Variants in RHD observed in about 807,000 individuals in gnomAD.
RHD encodes Rh blood group D antigen, also known as blood group Rh(D) polypeptide.
Under a neutral mutation model 45.5 loss-of-function variants are expected in RHD, and 16 were observed. The ratio of observed to expected loss-of-function variants is 0.35; its 90% CI spans 0.24 to 0.53. The LOEUF (loss-of-function observed/expected upper bound fraction) is 0.53, where lower values mean the gene tolerates loss of function less well. Among genes scored for constraint, RHD ranks in the 20% least tolerant of loss-of-function variants. The pLI is 0.92. For synonymous variants in RHD, 131 were observed against 217.5 expected, an observed-to-expected ratio of 0.60 and a Z score of 3.50; for missense variants, 306 against 532.0, an observed-to-expected ratio of 0.58 and a Z score of 4.18.
chr1:25,293,186 G>T (rs562745446), intron 3 of RHD, among the ~76,000 whole-genome samples: 1 of 130,666 alleles, frequency 7.7e-6, no homozygotes, highest in African/African-American at 2.6e-5. Flanking sequence ...GCTATAAAGG[G>T]GAACAGAGAA....
At chr1:25,304,510 A>T (rs1643642151) in intron 6 of RHD, 1 of 129,680 alleles carries the variant, frequency 7.7e-6, no homozygotes, top group African/African-American at 2.7e-5. Flanking sequence ...AGACACGAGA[A>T]TCACTTGAAC....
intron 6 of RHD, chr1:25,304,956 C>G (rs1643681546): frequency 7.6e-6 from 1 of 132,318 alleles, no homozygotes; most frequent in African/African-American, 2.6e-5. Context: ...TTCGCTCATT[C>G]ATTCATATAT....
rs570564436 is a variant in RHD at position 25,277,614 on chromosome 1, G to A, written c.148+4919G>A. On this transcript the variant is annotated intron_variant, in intron 1 of 9. Coordinates refer to ENST00000328664, the MANE Select transcript of RHD (RefSeq NM_016124.6). ...CTTCTGTCAGAGGATGATAGTACTT[G>A]TTTCATTAAGTTGTTGAAAGGATAA... Among the ~76,000 whole-genome samples the A allele has an allele frequency of 3.1e-5, 4 of 129,538 alleles. 1 individual carries two copies. The highest frequency in any genetic ancestry group is 3.0e-4 in the Admixed American group (4 of 13,310). 85.0% of individuals were successfully genotyped at this position (129,538 alleles called of 152,430 possible).
rs1443304272 is a variant in RHD at position 25,290,776 on chromosome 1, C to A, written c.471C>A (p.Ile157=). Residue 157 remains isoleucine, a synonymous_variant, in exon 3 of 10, where the codon ATC becomes ATA. Coordinates refer to ENST00000328664, the MANE Select transcript of RHD (RefSeq NM_016124.6). ...VTALGNLRMV[I]SNIFNTDYHM... ...CTTTAGGCAACCTGAGGATGGTCAT[C>A]AGTAATATCTTCAACGTGAGTCATG... The A allele has an allele frequency of 7.3e-7, 1 of 1,376,734 alleles. No homozygotes were observed. The highest frequency in any genetic ancestry group is 2.2e-5 in the East Asian group (1 of 44,612). The allele number at this position is 1,376,734 out of a possible 1,614,324, so 85.3% of individuals were successfully genotyped here.
intron 6 of RHD, among the ~76,000 whole-genome samples, chr1:25,304,972 CA>C (rs1441109946): frequency 7.6e-6 from 1 of 132,344 alleles, no homozygotes; most frequent in African/African-American, 2.6e-5. Flanking sequence ...TATATTCATT[CA>C]TTCATCATTC....
chr1:25,322,075 T>G (rs1644740654), intron 9 of RHD, 113 bp downstream of exon 9: 1 of 573,894 alleles, frequency 1.7e-6, no homozygotes, highest in Non-Finnish European at 3.5e-6. Context: ...AAAAATGGAG[T>G]AAGGAGCATT....
In RHD at chr1:25,313,491, C is replaced by T. The variant is rs1370212471; in HGVS notation, c.1074-3509C>T. Among the ~76,000 whole-genome samples, 40 of 132,464 alleles carry T rather than the reference C, an allele frequency of 3.0e-4. 9 individuals carry two copies. The highest frequency in any genetic ancestry group is 5.5e-4 in the Non-Finnish European group (31 of 55,864). The allele number at this position is 132,464 out of a possible 152,430, so 86.9% of individuals were successfully genotyped here. ...CCAGGTTGTTAAGCATTGCTGTACC[C>T]TTTTTCCACTGGGATATAGTGTTCT... On this transcript the variant is annotated intron_variant, in intron 7 of 9. Coordinates refer to ENST00000328664, the MANE Select transcript of RHD (RefSeq NM_016124.6).
intron 1 of RHD, among the ~76,000 whole-genome samples, chr1:25,280,356 A>G (rs1472585645): frequency 8.3e-6 from 1 of 120,148 alleles, no homozygotes; most frequent in African/African-American, 2.9e-5. Context: ...TCCAGGCTGG[A>G]GTACAGTGGT....
In RHD at chr1:25,329,237, G is replaced by GTTTTTTTT. The variant is rs71014352; in HGVS notation, c.*331_*338dup. On this transcript the variant is annotated 3_prime_UTR_variant, in exon 10 of 10. Coordinates refer to ENST00000328664, the MANE Select transcript of RHD (RefSeq NM_016124.6). ...TAAGGTTAATTTATTATTATTCCTT[G>GTTTTTTTT]TTTTTTTTTTTTTTTTTTTTTTTTT... 136 of 233,278 alleles carry GTTTTTTTT rather than the reference G, an allele frequency of 5.8e-4. No individual in the cohort carries two copies. The highest frequency in any genetic ancestry group is 1.7e-3 in the African/African-American group (39 of 22,660). 14.5% of individuals were successfully genotyped at this position (233,278 alleles called of 1,614,324 possible).
At chr1:25,292,573 A>C (rs1239274969) in intron 3 of RHD, among the ~76,000 whole-genome samples, 1 of 129,278 alleles carries the variant, frequency 7.7e-6, no homozygotes, top group African/African-American at 2.6e-5. Context: ...TGAGATGGGG[A>C]ATGTTGGGGT....
At chr1:25,312,245 G>T (rs1162811940) in intron 7 of RHD, among the ~76,000 whole-genome samples, 5 of 96,912 alleles carry the variant, frequency 5.2e-5, no homozygotes, top group African/African-American at 1.7e-4. Flanking sequence ...TTTTTCCCTT[G>T]CCTCTTTTTC....
chr1:25,320,729 C>G (rs1167872768), intron 8 of RHD, among the ~76,000 whole-genome samples: 1 of 132,106 alleles, frequency 7.6e-6, no homozygotes. Flanking sequence ...TATGGCCAAG[C>G]TATCTGGGCA....
In RHD at chr1:25,278,989, G is replaced by C. The variant is rs533015061; in HGVS notation, c.149-5584G>C. Among the ~76,000 whole-genome samples, 115 of 129,168 alleles carry C rather than the reference G, an allele frequency of 8.9e-4. 10 individuals carry two copies. Among genetic ancestry groups the C allele is most frequent in the East Asian group, 5.7e-3 (29 of 5,090 alleles). The allele number at this position is 129,168 out of a possible 152,430, so 84.7% of individuals were successfully genotyped here. A position where few individuals can be genotyped will look rare whatever the true frequency, so the allele number is the denominator to read the frequency against. ...AGAGCCTGGGAGAGTGAAGCTGGGTGTGACTTCAGAGCTGTTGGTGCTGAA... is the reference window on the plus strand; with the variant it reads ...AGAGCCTGGGAGAGTGAAGCTGGGTCTGACTTCAGAGCTGTTGGTGCTGAA... On this transcript the variant is annotated intron_variant, in intron 1 of 9. Transcript: ENST00000328664.
Position 25,303,191 on chromosome 1 carries a change from A to G in RHD, c.802-131A>G, listed in dbSNP as rs374690350. ...ACACGTAGCCCCAACACAGGGGAGA[A>G]GTGGTTTCAGGATCAGCAAAGCAGG... On this transcript the variant is annotated intron_variant, in intron 5 of 9. Coordinates refer to ENST00000328664, the MANE Select transcript of RHD (RefSeq NM_016124.6). 3,938 of 992,972 alleles carry G rather than the reference A, an allele frequency of 4.0e-3. 408 individuals carry two copies. The African/African-American group carries it at 0.057, about 14-fold the overall frequency. 61.5% of individuals were successfully genotyped at this position (992,972 alleles called of 1,614,324 possible).
rs1644356101 is a variant in RHD, at chr1:25,314,925, G to C, written c.1074-2075G>C. ...TATGTCCTTTTTAAGAATTTTTGCA[G>C]CCAGCGCGGTGGCTCACACCTGTAA... On this transcript the variant is annotated intron_variant, in intron 7 of 9. Transcript: ENST00000328664. 1.5e-5 allele frequency among the ~76,000 whole-genome samples: 2 copies of C among 130,508 alleles called. 1 individual carries two copies. Among genetic ancestry groups the C allele is most frequent in the African/African-American group, 5.2e-5 (2 of 38,334 alleles). 85.6% of individuals were successfully genotyped at this position (130,508 alleles called of 152,430 possible). A position where few individuals can be genotyped will look rare whatever the true frequency, so the allele number is the denominator to read the frequency against.
At position 25,306,972 on chromosome 1, in the gene RHD, A is replaced by G. The variant is rs192421318; in HGVS notation, c.1073+243A>G. 2,882 of 456,964 alleles carry G rather than the reference A, an allele frequency of 6.3e-3. 631 individuals carry two copies. Among genetic ancestry groups the G allele is most frequent in the Non-Finnish European group, 0.011 (2,382 of 224,924 alleles). The allele number at this position is 456,964 out of a possible 1,614,324, so 28.3% of individuals were successfully genotyped here. A position where few individuals can be genotyped will look rare whatever the true frequency, so the allele number is the denominator to read the frequency against. On this transcript the variant is annotated intron_variant, in intron 7 of 9. Coordinates refer to ENST00000328664, the MANE Select transcript of RHD (RefSeq NM_016124.6). ...CACCTAGGTATAGACCAAAGACACG[A>G]AATCTTTTGTGATCCCACAAACACA...
intron 6 of RHD, chr1:25,304,458 C>G (rs1159304889): frequency 7.7e-6 from 1 of 130,058 alleles, no homozygotes; most frequent in Non-Finnish European, 1.8e-5. Flanking sequence ...ATTAGCCAGG[C>G]ATGGTGGCGG....
At chr1:25,306,062 T>C in intron 6 of RHD, among the ~76,000 whole-genome samples, 1 of 131,884 alleles carries the variant, frequency 7.6e-6, no homozygotes, top group Admixed American at 7.4e-5. Flanking sequence ...CCTCATGCTT[T>C]CTTTCTAACC....
chr1:25,302,372 T>G (rs1643454968), intron 5 of RHD, among the ~76,000 whole-genome samples: 1 of 119,956 alleles, frequency 8.3e-6, no homozygotes, highest in Non-Finnish European at 1.9e-5. Flanking sequence ...AGACCAGTGG[T>G]GGGGCTCGGG....
Sources: gnomAD v4.1 joint callset for allele counts (sites outside exome capture counted in the v4.1 genomes callset) on GRCh38, gnomAD v4.1.1 for gene constraint, MANE v1.5 for transcripts, NCBI Gene and HGNC (gene_info 2026-07-23, HGNC 2026-07-21) for gene names.